UAP1: variants seen among roughly 807,000 people sequenced by gnomAD.
UAP1 encodes UDP-N-acetylglucosamine pyrophosphorylase 1.
Under a neutral mutation model 58.5 loss-of-function variants are expected in UAP1, and 25 were observed. The observed-to-expected ratio is 0.43, with a 90% CI of 0.31 to 0.60. UAP1 has a LOEUF of 0.60. Ranked by LOEUF, UAP1 falls within the 20% of genes least tolerant of loss-of-function variation. UAP1 has a pLI of 0.11. For synonymous variants in UAP1, 208 were observed against 213.0 expected, an observed-to-expected ratio of 0.98 and a Z score of 0.21; for missense variants, 575 against 630.0, an observed-to-expected ratio of 0.91 and a Z score of 0.93.
chr1:162,594,311 C>T (rs921522010), intron 9 of UAP1, among the ~76,000 whole-genome samples: 2 of 152,192 alleles, frequency 1.3e-5, no homozygotes, highest in Non-Finnish European at 2.9e-5. Context: ...GGGCAGTTCA[C>T]GATAGTGTTC....
At chr1:162,562,550 C>T (rs1422286388) in intron 1 of UAP1, 1 of 152,036 alleles carries the variant, frequency 6.6e-6, no homozygotes, top group Non-Finnish European at 1.5e-5. Flanking sequence ...CTGTGCTACA[C>T]TTACTTCTAC....
chr1:162,573,678 G>A (rs1419003598), intron 2 of UAP1, among the ~76,000 whole-genome samples: 1 of 151,954 alleles, frequency 6.6e-6, no homozygotes, highest in East Asian at 1.9e-4. Context: ...AAAATAGCAG[G>A]AATAGGCTGG....
At chr1:162,582,089 A>T (rs186148811) in intron 5 of UAP1, among the ~76,000 whole-genome samples, 77 of 152,300 alleles carry the variant, frequency 5.1e-4, no homozygotes, top group African/African-American at 1.8e-3. Flanking sequence ...TATATATTAT[A>T]GCTAGAAATA....
At chr1:162,570,628 A>G (rs1257440314) in intron 2 of UAP1, among the ~76,000 whole-genome samples, 1 of 152,254 alleles carries the variant, frequency 6.6e-6, no homozygotes, top group East Asian at 1.9e-4. Flanking sequence ...AATCTCTGCT[A>G]TCAAAAACTG....
chr1:162,579,302 T>A (rs1199878077), intron 3 of UAP1, 126 bp from the exon 4 acceptor site: 1 of 635,558 alleles, frequency 1.6e-6, no homozygotes, highest in Non-Finnish European at 2.4e-6. Flanking sequence ...AGGAAAAATA[T>A]GAAGGAAGTC....
At position 162,588,751 on chromosome 1, in the gene UAP1, A is replaced by G. The variant is rs770654822; in HGVS notation, c.1087A>G (p.Thr363Ala). The change falls in exon 7 of 11, where the codon ACC (threonine) becomes GCC (alanine). Residue 363 changes from threonine (T) to alanine (A), a missense_variant. By Grantham distance (58) the Thr-to-Ala change is moderately conservative. Transcript: ENST00000271469. ...TCAAAAGAAGATTCCTTATGTGGAT[A>G]CCCAAGGACAGTTAATTAAGCCAGA... The G allele has an allele frequency of 6.8e-6, 11 of 1,612,226 alleles. No homozygotes were observed. The African/African-American group carries it at 8.0e-5, about 12-fold the overall frequency.
chr1:162,562,162 C>T (rs1653185777), intron 1 of UAP1, among the ~76,000 whole-genome samples: 1 of 151,842 alleles, frequency 6.6e-6, no homozygotes, highest in Admixed American at 6.6e-5. Flanking sequence ...GGGCCTCTCC[C>T]GGGTGGGCAG....
chr1:162,586,227 T>C (rs915016838), intron 5 of UAP1, among the ~76,000 whole-genome samples: 2 of 152,232 alleles, frequency 1.3e-5, no homozygotes, highest in African/African-American at 4.8e-5. Flanking sequence ...TCATGTCTAC[T>C]TAGGATAGAC....
intron 1 of UAP1, 138 bp from the exon 2 acceptor site, chr1:162,565,874 T>C: frequency 3.3e-6 from 2 of 597,524 alleles, no homozygotes; most frequent in South Asian, 4.2e-5. Flanking sequence ...TTTGATCTCT[T>C]ACAAATATTG....
At chr1:162,579,739 T>C (rs749332140) in intron 4 of UAP1, 136 bp downstream of exon 4, 35 of 792,068 alleles carry the variant, frequency 4.4e-5, no homozygotes, top group Admixed American at 1.7e-4. Flanking sequence ...TTGGAAATGA[T>C]TTAAAAAGAT....
At chr1:162,590,368 A>T in exon 8 of UAP1, 2 of 1,613,526 alleles carry the variant, frequency 1.2e-6, no homozygotes, top group Non-Finnish European at 1.7e-6. Context: ...AGTTTTCCCC[A>T]CTAAAGAATG....
chr1:162,590,376 A>G lies in UAP1; in HGVS notation c.1223A>G (p.Asn408Ser), dbSNP rs750067725. 11 of 1,613,724 alleles carry G rather than the reference A, an allele frequency of 6.8e-6. No homozygotes were observed. In the South Asian group the frequency reaches 1.2e-4, roughly 18 times the overall value. ...GAAGATGAGTTTTCCCCACTAAAGA[A>G]TGCTGATAGTCAGAATGGGAAAGAC... The change falls in exon 8 of 11, where the codon AAT (asparagine) becomes AGT (serine). Residue 408 changes from asparagine (N) to serine (S), a missense_variant. Coordinates refer to ENST00000271469, the Ensembl canonical transcript of UAP1.
In UAP1 at chr1:162,562,710, C is replaced by T. The variant is rs547303087; in HGVS notation, c.-58+933C>T. Reference sequence around the variant, plus strand: ...AACTCAAGGCAGTTGTCTATTCCTTCACGGTTAGTCAGTTGGCTCACTTAG... The same window carrying T: ...AACTCAAGGCAGTTGTCTATTCCTTTACGGTTAGTCAGTTGGCTCACTTAG... On this transcript the variant is annotated intron_variant, in intron 1 of 10. Coordinates refer to ENST00000271469, the Ensembl canonical transcript of UAP1. 1.2e-3 allele frequency among the ~76,000 whole-genome samples: 184 copies of T among 152,258 alleles called. 1 individual carries two copies. Among genetic ancestry groups the T allele is most frequent in the Non-Finnish European group, 2.2e-3 (148 of 68,026 alleles).
chr1:162,579,612 T>A lies in UAP1; in HGVS notation c.661+9T>A. On this transcript the variant is annotated intron_variant, in intron 4 of 10. Coordinates refer to ENST00000271469, the Ensembl canonical transcript of UAP1. ...AGTTTCTATGGCTCCAGGTTTGTAA[T>A]CATCCTTATTTAATGGTGACTAGAA... 6.5e-7 allele frequency: 1 copy of A among 1,539,692 alleles called. No homozygotes were observed.
At chr1:162,574,221 C>A (rs1366617859) in intron 2 of UAP1, among the ~76,000 whole-genome samples, 2 of 151,264 alleles carry the variant, frequency 1.3e-5, no homozygotes, top group African/African-American at 4.9e-5. Context: ...GCCTCCTGAG[C>A]AGCTGGGATT....
intron 5 of UAP1, among the ~76,000 whole-genome samples, chr1:162,587,206 C>CTT (rs1462633731): frequency 1.3e-5 from 2 of 152,142 alleles, no homozygotes; most frequent in African/African-American, 4.8e-5. Flanking sequence ...GTGATTTACT[C>CTT]TGTGCTAGAT....
At chr1:162,562,678 C>G (rs775219877) in intron 1 of UAP1, 1 of 152,120 alleles carries the variant, frequency 6.6e-6, no homozygotes, top group Non-Finnish European at 1.5e-5. Context: ...TCCAAGAGTT[C>G]GCCGGAAACT....
At chr1:162,572,411 T>C (rs1208339420) in intron 2 of UAP1, among the ~76,000 whole-genome samples, 1 of 152,190 alleles carries the variant, frequency 6.6e-6, no homozygotes, top group Non-Finnish European at 1.5e-5. Context: ...TGAATTGATG[T>C]TGAATGCCAT....
chr1:162,590,129 G>A (rs542792993), intron 7 of UAP1, among the ~76,000 whole-genome samples, 194 bp from the exon 8 acceptor site: 9 of 151,698 alleles, frequency 5.9e-5, no homozygotes, highest in East Asian at 1.9e-4. Flanking sequence ...GTTGAGGGGG[G>A]AAATGATTTC....
Sources: gnomAD v4.1 joint callset for allele counts (sites outside exome capture counted in the v4.1 genomes callset) on GRCh38, gnomAD v4.1.1 for gene constraint, MANE v1.5 for transcripts, NCBI Gene and HGNC (gene_info 2026-07-23, HGNC 2026-07-21) for gene names.